Variants in HS6ST3 observed in about 807,000 individuals in gnomAD.
HS6ST3 encodes heparan sulfate 6-O-sulfotransferase 3.
A neutral mutation model predicts 36.7 loss-of-function variants in HS6ST3; 12 were observed. That is an observed-to-expected ratio of 0.33 (90% CI 0.21 to 0.53). The LOEUF is 0.53. HS6ST3 is among the 20% of genes least tolerant of loss of function. HS6ST3 has a pLI of 0.95. For synonymous variants in HS6ST3, 240 were observed against 257.5 expected (o/e 0.93, Z 0.65); for missense variants, 584 against 640.9 (o/e 0.91, Z 0.96).
At chr13:96,825,597 T>G (rs1008260824) in intron 1 of HS6ST3, among the ~76,000 whole-genome samples, 1 of 152,158 alleles carries the variant, frequency 6.6e-6, no homozygotes, top group African/African-American at 2.4e-5. Context: ...CTACCTACTT[T>G]AGGTAGAGAT....
intron 1 of HS6ST3, among the ~76,000 whole-genome samples, chr13:96,760,659 T>G (rs1356160665): frequency 4.6e-5 from 7 of 152,226 alleles, no homozygotes; most frequent in African/African-American, 1.4e-4. Flanking sequence ...ATCATATATC[T>G]TTACATCATT....
intron 1 of HS6ST3, among the ~76,000 whole-genome samples, chr13:96,401,625 A>G (rs2055451629): frequency 6.6e-6 from 1 of 152,146 alleles, no homozygotes; most frequent in African/African-American, 2.4e-5. Flanking sequence ...CCCAGGCTGG[A>G]GTATGGTGGT....
At chr13:96,342,423 G>C (rs2055135379) in intron 1 of HS6ST3, among the ~76,000 whole-genome samples, 1 of 152,180 alleles carries the variant, frequency 6.6e-6, no homozygotes, top group South Asian at 2.1e-4. Flanking sequence ...TGGGAGTTGA[G>C]CTGAATCCCA....
At chr13:96,617,686 G>T (rs1177352494) in intron 1 of HS6ST3, among the ~76,000 whole-genome samples, 5 of 152,184 alleles carry the variant, frequency 3.3e-5, no homozygotes, top group Admixed American at 2.6e-4. Context: ...AGTTTCTCTA[G>T]GTCAGTGGTT....
chr13:96,131,009 A>G lies in HS6ST3; in HGVS notation c.707+39440A>G, dbSNP rs117939188. ...TTAACGCTGTTCCCTCCCACTACCAAGCAGAGTATTTGAGGGCCAGGGGGT... is the reference window on the plus strand; with the variant it reads ...TTAACGCTGTTCCCTCCCACTACCAGGCAGAGTATTTGAGGGCCAGGGGGT... On this transcript the variant is annotated intron_variant, in intron 1 of 1. Coordinates refer to ENST00000376705, the MANE Select transcript of HS6ST3 (RefSeq NM_153456.4). Among the ~76,000 whole-genome samples, 123 of 152,216 alleles carry G rather than the reference A, an allele frequency of 8.1e-4. 2 individuals carry two copies. In the East Asian group the frequency reaches 0.019, roughly 23 times the overall value.
intron 1 of HS6ST3, among the ~76,000 whole-genome samples, chr13:96,406,329 T>C (rs1002861102): frequency 5.3e-5 from 8 of 152,242 alleles, no homozygotes; most frequent in Non-Finnish European, 1.2e-4. Context: ...TACCGATTTC[T>C]TTGTTCTCAA....
intron 1 of HS6ST3, among the ~76,000 whole-genome samples, chr13:96,350,833 T>C (rs1390026962): frequency 1.3e-5 from 2 of 152,182 alleles, no homozygotes; most frequent in African/African-American, 4.8e-5. Flanking sequence ...AATTTATCAG[T>C]TACAGTGTAG....
intron 1 of HS6ST3, among the ~76,000 whole-genome samples, chr13:96,483,716 G>A (rs1251191583): frequency 3.3e-5 from 5 of 152,100 alleles, no homozygotes; most frequent in Admixed American, 1.3e-4. Context: ...TTTGACAGGG[G>A]AATTTCCTTT....
intron 1 of HS6ST3, among the ~76,000 whole-genome samples, chr13:96,705,106 A>T (rs1448537768): frequency 2.6e-5 from 4 of 152,092 alleles, no homozygotes; most frequent in Non-Finnish European, 5.9e-5. Context: ...GCTACAGCTG[A>T]TGAGCCTACA....
intron 1 of HS6ST3, among the ~76,000 whole-genome samples, chr13:96,503,568 C>T (rs1326186536): frequency 1.3e-5 from 2 of 152,122 alleles, no homozygotes; most frequent in Admixed American, 6.6e-5. Flanking sequence ...TGGAGGAACA[C>T]TGGAAGGTAT....
chr13:96,391,178 G>T (rs1349477909), intron 1 of HS6ST3, among the ~76,000 whole-genome samples: 1 of 152,136 alleles, frequency 6.6e-6, no homozygotes, highest in African/African-American at 2.4e-5. Context: ...ATGCTCGCTT[G>T]ATAGCATTGC....
intron 1 of HS6ST3, among the ~76,000 whole-genome samples, chr13:96,435,199 T>C (rs1350527517): frequency 2.0e-5 from 3 of 152,246 alleles, no homozygotes; most frequent in Non-Finnish European, 4.4e-5. Context: ...GTTTTGAAAA[T>C]GGAAGCCTCA....
chr13:96,444,013 A>G (rs922630287), intron 1 of HS6ST3, among the ~76,000 whole-genome samples: 1 of 152,184 alleles, frequency 6.6e-6, no homozygotes, highest in African/African-American at 2.4e-5. Context: ...AACCTTCACT[A>G]TGAACTATTT....
chr13:96,501,777 C>T (rs2056005460), intron 1 of HS6ST3, among the ~76,000 whole-genome samples: 2 of 152,334 alleles, frequency 1.3e-5, no homozygotes, highest in South Asian at 4.1e-4. Context: ...AACTGGAAGT[C>T]CTATAAAACA....
intron 1 of HS6ST3, among the ~76,000 whole-genome samples, chr13:96,444,612 T>C (rs2055689429): frequency 6.6e-6 from 1 of 152,226 alleles, no homozygotes; most frequent in South Asian, 2.1e-4. Context: ...ATAAACAATA[T>C]TTTATGCTAT....
intron 1 of HS6ST3, among the ~76,000 whole-genome samples, chr13:96,472,487 A>G (rs1405863926): frequency 6.6e-6 from 1 of 152,200 alleles, no homozygotes; most frequent in Non-Finnish European, 1.5e-5. Flanking sequence ...GAGGTCAAGA[A>G]AAGACTTCTT....
chr13:96,186,182 A>G lies in HS6ST3; in HGVS notation c.707+94613A>G, dbSNP rs142379742. ...TTTCTTAAGGCATCACCATTCGTAT[A>G]TGCATGAAAACAGACGAGGTTTTGC... On this transcript the variant is annotated intron_variant, in intron 1 of 1. Transcript: ENST00000376705. 3.1e-4 allele frequency among the ~76,000 whole-genome samples: 47 copies of G among 152,298 alleles called. 1 individual carries two copies. In the East Asian group the frequency reaches 8.5e-3, roughly 27 times the overall value.
chr13:96,364,694 T>C (rs1279949820), intron 1 of HS6ST3, among the ~76,000 whole-genome samples: 1 of 152,202 alleles, frequency 6.6e-6, no homozygotes, highest in Non-Finnish European at 1.5e-5. Flanking sequence ...TGGTGATGGT[T>C]GCATAATGTT....
chr13:96,258,402 G>T (rs2054648075), intron 1 of HS6ST3, among the ~76,000 whole-genome samples: 1 of 152,092 alleles, frequency 6.6e-6, no homozygotes, highest in Non-Finnish European at 1.5e-5. Flanking sequence ...CTGAACATTA[G>T]AAAAACACAA....
Sources: allele counts gnomAD v4.1 joint callset (sites outside exome capture counted in the v4.1 genomes callset), GRCh38; gene constraint gnomAD v4.1.1; transcripts MANE v1.5; gene names NCBI Gene and HGNC (gene_info 2026-07-23, HGNC 2026-07-21).